Variants in WDR49 observed in about 807,000 individuals in gnomAD.
The protein encoded by WDR49 is cilia- and flagella-associated protein 337.
A neutral mutation model predicts 119.5 loss-of-function variants in WDR49; 107 were observed. The ratio of observed to expected loss-of-function variants is 0.90; its 90% confidence interval spans 0.77 to 1.05. WDR49 has a LOEUF of 1.05. Ranked by LOEUF, WDR49 falls within the 50% of genes least tolerant of loss-of-function variation. The pLI is 0.00. For synonymous variants in WDR49, 425 were observed against 418.8 expected, an observed-to-expected ratio of 1.01 and a Z score of -0.18; for missense variants, 1,240 against 1,220.5, an observed-to-expected ratio of 1.02 and a Z score of -0.24.
At chr3:167,537,713 A>T (rs773056377) in intron 10 of WDR49, among the ~76,000 whole-genome samples, 2 of 152,108 alleles carry the variant, frequency 1.3e-5, no homozygotes, top group African/African-American at 2.4e-5. Context: ...GAGTGTAAAG[A>T]TTCCATTGTT....
intron 7 of WDR49, among the ~76,000 whole-genome samples, chr3:167,589,799 T>C (rs1715012862): frequency 6.6e-6 from 1 of 152,098 alleles, no homozygotes. Flanking sequence ...TGAATTTGCT[T>C]ACCATTCTAA....
chr3:167,500,369 A>T, intron 17 of WDR49, 70 bp from the exon 18 acceptor site: 1 of 1,537,692 alleles, frequency 6.5e-7, no homozygotes, highest in Middle Eastern at 1.7e-4. Flanking sequence ...CCTTGGAAAG[A>T]GCCAGCACAT....
At chr3:167,496,976 A>G (rs993830173) in intron 18 of WDR49, among the ~76,000 whole-genome samples, 1 of 152,266 alleles carries the variant, frequency 6.6e-6, no homozygotes, top group Non-Finnish European at 1.5e-5. Flanking sequence ...ATTGTAGCCA[A>G]CTTGGGTTCA....
chr3:167,561,091 T>C (rs1713243960), intron 8 of WDR49, among the ~76,000 whole-genome samples: 1 of 152,232 alleles, frequency 6.6e-6, no homozygotes. Flanking sequence ...TTTCTTTTTC[T>C]GTTTAGGTAT....
rs532176199 is a variant in WDR49, at chr3:167,601,136, A to C, written c.1275+991T>G. Among the ~76,000 whole-genome samples the C allele has an allele frequency of 1.2e-4, 18 of 152,314 alleles. No homozygotes were observed. The East Asian group carries it at 3.5e-3, about 29-fold the overall frequency. On this transcript the variant is annotated intron_variant, in intron 7 of 18. Coordinates refer to ENST00000682715, the MANE Select transcript of WDR49 (RefSeq NM_001366157.1). Reference sequence around the variant, plus strand: ...TAAGATTTTGAATTACAGCAGTAGCAACTGAGATGGAGAGGTGAAACTGAT... The same window carrying C: ...TAAGATTTTGAATTACAGCAGTAGCCACTGAGATGGAGAGGTGAAACTGAT...
At chr3:167,590,156 C>T (rs1017489576) in intron 7 of WDR49, among the ~76,000 whole-genome samples, 15 of 151,878 alleles carry the variant, frequency 9.9e-5, no homozygotes, top group Admixed American at 2.6e-4. Context: ...TCAATTGGAA[C>T]GATTATTTAG....
At chr3:167,603,797 C>G (rs555766838) in intron 6 of WDR49, among the ~76,000 whole-genome samples, 1 of 152,128 alleles carries the variant, frequency 6.6e-6, no homozygotes, top group East Asian at 1.9e-4. Context: ...GTAAACAAAC[C>G]TCGCATAATC....
At chr3:167,607,938 A>G (rs1716143245) in intron 5 of WDR49, among the ~76,000 whole-genome samples, 1 of 152,086 alleles carries the variant, frequency 6.6e-6, no homozygotes, top group African/African-American at 2.4e-5. Context: ...GAAAAAAGGG[A>G]CGGAGGGAGG....
intron 15 of WDR49, among the ~76,000 whole-genome samples, chr3:167,524,310 T>C (rs1560267799): frequency 6.6e-6 from 1 of 152,192 alleles, no homozygotes; most frequent in African/African-American, 2.4e-5. Flanking sequence ...CTTTGTCAGA[T>C]AGATAGATTG....
At chr3:167,565,655 G>T (rs1467902409) in intron 8 of WDR49, among the ~76,000 whole-genome samples, 6 of 152,054 alleles carry the variant, frequency 3.9e-5, no homozygotes, top group Non-Finnish European at 8.8e-5. Context: ...GCAAACAAAG[G>T]AAACAGCAGT....
chr3:167,554,672 C>A lies in WDR49; in HGVS notation c.1801G>T (p.Ala601Ser). The A allele has an allele frequency of 1.3e-6, 2 of 1,556,478 alleles. No individual in the cohort carries two copies. The highest frequency in any genetic ancestry group is 1.8e-6 in the Non-Finnish European group (2 of 1,131,982). ...TACCTTCCTATAGTTTTCCATGAGG[C>A]ATAATCATACCTCTCCCAGCCTGTA... ...LVTGWERYDY[A>S]SWKTIGRAIT... The change falls in exon 10 of 19, where the codon GCC becomes TCC. Residue 601 changes from alanine to serine, a missense_variant. Transcript: ENST00000682715.
intron 2 of WDR49, among the ~76,000 whole-genome samples, chr3:167,652,662 T>G (rs528205501): frequency 1.3e-5 from 2 of 152,328 alleles, no homozygotes; most frequent in East Asian, 3.9e-4. Context: ...GGTTTATTTT[T>G]TATGCAGAGT....
At chr3:167,634,823 A>G (rs1023435978) in intron 2 of WDR49, among the ~76,000 whole-genome samples, 3 of 151,868 alleles carry the variant, frequency 2.0e-5, no homozygotes, top group Non-Finnish European at 4.4e-5. Flanking sequence ...TAGAAAATGA[A>G]GATAAGTTAA....
At chr3:167,514,248 T>C (rs573947791) in intron 16 of WDR49, among the ~76,000 whole-genome samples, 2 of 152,010 alleles carry the variant, frequency 1.3e-5, no homozygotes, top group East Asian at 3.9e-4. Flanking sequence ...ACTGAAATCA[T>C]AACAGTCTCT....
chr3:167,526,243 G>C (rs1465558241), intron 15 of WDR49, among the ~76,000 whole-genome samples: 1 of 152,078 alleles, frequency 6.6e-6, no homozygotes, highest in Non-Finnish European at 1.5e-5. Flanking sequence ...ACAAAAATAA[G>C]CAGTTTTACA....
intron 18 of WDR49, among the ~76,000 whole-genome samples, chr3:167,480,122 AC>A (rs1046305095): frequency 5.3e-5 from 8 of 151,342 alleles, no homozygotes; most frequent in African/African-American, 1.2e-4. Context: ...AATCTCAGCT[AC>A]TCGGGAGGCC....
At chr3:167,625,976 A>G (rs1291855390) in intron 3 of WDR49, among the ~76,000 whole-genome samples, 1 of 152,036 alleles carries the variant, frequency 6.6e-6, no homozygotes, top group Non-Finnish European at 1.5e-5. Context: ...CAAAAGAGAC[A>G]TATTAACCAT....
chr3:167,518,059 G>A (rs1752288374), intron 16 of WDR49, among the ~76,000 whole-genome samples: 1 of 152,112 alleles, frequency 6.6e-6, no homozygotes, highest in South Asian at 2.1e-4. Flanking sequence ...AAAAGGACAT[G>A]AACTCATCAT....
intron 13 of WDR49, among the ~76,000 whole-genome samples, chr3:167,529,472 G>T (rs563178715): frequency 6.6e-6 from 1 of 152,054 alleles, no homozygotes; most frequent in Non-Finnish European, 1.5e-5. Flanking sequence ...GTTCCATTAC[G>T]TTTAGTTCCC....
Sources: gnomAD v4.1 joint callset for allele counts (sites outside exome capture counted in the v4.1 genomes callset) on GRCh38, gnomAD v4.1.1 for gene constraint, MANE v1.5 for transcripts, NCBI Gene and HGNC (gene_info 2026-07-23, HGNC 2026-07-21) for gene names.